Variants in CEP128 observed in about 807,000 individuals in gnomAD.
CEP128 encodes the protein centrosomal protein 128.
In CEP128, 132 loss-of-function variants were observed where a neutral mutation model predicts 156.7. The ratio of observed to expected loss-of-function variants is 0.84; its 90% CI spans 0.73 to 0.97. The LOEUF is 0.97. Among genes scored for constraint, CEP128 ranks in the 50% least tolerant of loss-of-function variants. The pLI is 0.00. For missense variants in CEP128, 1,252 were observed against 1,281.9 expected, an observed-to-expected ratio of 0.98 and a Z score of 0.36; for synonymous variants, 469 against 448.9, an observed-to-expected ratio of 1.04 and a Z score of -0.57.
intron 19 of CEP128, among the ~76,000 whole-genome samples, chr14:80,604,190 A>G (rs1350722521): frequency 1.3e-5 from 2 of 152,148 alleles, no homozygotes; most frequent in African/African-American, 4.8e-5. Flanking sequence ...AGATATGCTC[A>G]TGTCCCTCTT....
At chr14:80,700,676 A>T (rs867849206) in intron 19 of CEP128, among the ~76,000 whole-genome samples, 33 of 152,174 alleles carry the variant, frequency 2.2e-4, no homozygotes, top group African/African-American at 7.7e-4. Context: ...ATTAGTAACT[A>T]AGAGTTTTGT....
intron 20 of CEP128, among the ~76,000 whole-genome samples, chr14:80,569,385 A>C (rs745836977): frequency 6.6e-6 from 1 of 152,214 alleles, no homozygotes; most frequent in Non-Finnish European, 1.5e-5. Flanking sequence ...CCCTGGAAGT[A>C]AGTGATCTTA....
chr14:80,916,514 G>T lies in CEP128; in HGVS notation c.34C>A (p.Arg12Ser), dbSNP rs772452675. The change falls in exon 3 of 25, where the codon CGC becomes AGC. Residue 12 changes from arginine to serine, a missense_variant. Coordinates refer to ENST00000555265, the MANE Select transcript of CEP128 (RefSeq NM_152446.5). ...AESSSESDHF[R>S]CRDRLSPWAA... ...CATGGACTCAATCGGTCACGACAGC[G>T]GAAGTGATCTGATTCGCTGGATGAT... 2 of 1,613,772 alleles carry T rather than the reference G, an allele frequency of 1.2e-6. No individual in the cohort carries two copies. The highest frequency in any genetic ancestry group is 1.7e-6 in the Non-Finnish European group (2 of 1,179,820).
intron 19 of CEP128, among the ~76,000 whole-genome samples, chr14:80,587,486 C>T (rs905772135): frequency 1.3e-5 from 2 of 152,112 alleles, no homozygotes; most frequent in African/African-American, 4.8e-5. Context: ...GATGTTAATT[C>T]ATTTCTGGTG....
intron 23 of CEP128, among the ~76,000 whole-genome samples, chr14:80,524,586 G>A (rs1050990602): frequency 7.9e-5 from 12 of 152,162 alleles, no homozygotes; most frequent in African/African-American, 2.9e-4. Flanking sequence ...TTTCATGAAA[G>A]GAATATGAGA....
At chr14:80,586,556 C>G (rs977342615) in intron 19 of CEP128, among the ~76,000 whole-genome samples, 1 of 152,118 alleles carries the variant, frequency 6.6e-6, no homozygotes, top group Admixed American at 6.5e-5. Context: ...ATTCCAATGC[C>G]TATATATTTT....
chr14:80,600,364 AAG>A (rs1171397142), intron 19 of CEP128, among the ~76,000 whole-genome samples: 40 of 152,344 alleles, frequency 2.6e-4, no homozygotes, highest in African/African-American at 9.4e-4. Flanking sequence ...GCTAGAGAAA[AAG>A]AGATAATCTT....
At chr14:80,578,748 G>A (rs913279002) in intron 20 of CEP128, among the ~76,000 whole-genome samples, 7 of 152,120 alleles carry the variant, frequency 4.6e-5, no homozygotes, top group Non-Finnish European at 7.4e-5. Flanking sequence ...CTTTTCCAAG[G>A]ATTTTCCTCT....
At chr14:80,527,003 A>AG in intron 22 of CEP128, 21 bp from the exon 23 acceptor site, 1 of 1,241,926 alleles carries the variant, frequency 8.1e-7, no homozygotes. Flanking sequence ...AAAAAAGCAA[A>AG]GGGTCTGAAC....
chr14:80,662,301 C>T (rs957262199), intron 19 of CEP128, among the ~76,000 whole-genome samples: 8 of 152,192 alleles, frequency 5.3e-5, no homozygotes, highest in Non-Finnish European at 1.2e-4. Context: ...ATATTAAGCA[C>T]ACTTTTAAAC....
At chr14:80,952,043 A>G (rs1031146221) in intron 2 of CEP128, among the ~76,000 whole-genome samples, 8 of 152,148 alleles carry the variant, frequency 5.3e-5, no homozygotes, top group African/African-American at 7.2e-5. Flanking sequence ...GGGAAAAAAA[A>G]CAAATCCCCA....
At chr14:80,687,921 A>C (rs1896582670) in intron 19 of CEP128, among the ~76,000 whole-genome samples, 1 of 152,136 alleles carries the variant, frequency 6.6e-6, no homozygotes, top group East Asian at 1.9e-4. Context: ...AAAATAAAAT[A>C]TATAGTCTGG....
intron 19 of CEP128, among the ~76,000 whole-genome samples, chr14:80,606,270 T>G (rs974510062): frequency 6.6e-6 from 1 of 152,172 alleles, no homozygotes; most frequent in South Asian, 2.1e-4. Flanking sequence ...TTTCCTTTCC[T>G]ATTAGAGTTG....
chr14:80,750,944 G>A (rs1460254175), intron 18 of CEP128, among the ~76,000 whole-genome samples: 1 of 152,134 alleles, frequency 6.6e-6, no homozygotes, highest in East Asian at 1.9e-4. Flanking sequence ...GACTCTATCT[G>A]ACAGGAATCC....
At chr14:80,801,675 G>C (rs536195688) in intron 13 of CEP128, among the ~76,000 whole-genome samples, 11 of 151,794 alleles carry the variant, frequency 7.2e-5, no homozygotes, top group Admixed American at 1.3e-4. Flanking sequence ...TTAGGAGGTC[G>C]AGGCAGGCAG....
chr14:80,798,978 T>C (rs753475428), intron 13 of CEP128, among the ~76,000 whole-genome samples: 2 of 152,240 alleles, frequency 1.3e-5, no homozygotes, highest in Non-Finnish European at 2.9e-5. Context: ...TTTTCATTTA[T>C]AGTATTTATG....
chr14:80,830,341 A>G (rs1363974064), intron 13 of CEP128: 2 of 451,542 alleles, frequency 4.4e-6, no homozygotes, highest in South Asian at 4.7e-5. Flanking sequence ...TTTGGGTTAT[A>G]TAAAATTAGG....
Position 80,925,028 on chromosome 14 carries a change from T to TA in CEP128, c.-15-8467dup, listed in dbSNP as rs1335710619. Among the ~76,000 whole-genome samples, 6 of 152,132 alleles carry TA rather than the reference T, an allele frequency of 3.9e-5. No individual in the cohort carries two copies. In the South Asian group the frequency reaches 1.2e-3, roughly 32 times the overall value. On this transcript the variant is annotated intron_variant, in intron 2 of 24. Transcript: ENST00000555265. ...TTTGGTAGCTGGATGGATCCTGAAC[T>TA]ATTAAACTGAGCAAAGAAATCAATG... is the stretch of plus-strand genomic sequence containing the variant.
chr14:80,922,224 G>C (rs17615156), intron 2 of CEP128, among the ~76,000 whole-genome samples: 7,413 of 152,140 alleles, frequency 0.049, 213 homozygotes, highest in Middle Eastern at 0.078. Context: ...TTTCCTCCAT[G>C]GCAACTTCCT....
Sources: gnomAD v4.1 joint callset for allele counts (sites outside exome capture counted in the v4.1 genomes callset) on GRCh38, gnomAD v4.1.1 for gene constraint, MANE v1.5 for transcripts, NCBI Gene and HGNC (gene_info 2026-07-23, HGNC 2026-07-21) for gene names.